Variants in GALNT13 observed in about 807,000 individuals in gnomAD.
GALNT13 encodes UDP-GalNAc:polypeptide N-acetylgalactosaminyltransferase 13.
A neutral mutation model predicts 64.2 loss-of-function variants in GALNT13; 28 were observed. The ratio of observed to expected loss-of-function variants is 0.44; its 90% confidence interval spans 0.32 to 0.60. The LOEUF is 0.60. Among genes scored for constraint, GALNT13 ranks in the 20% least tolerant of loss-of-function variants. The pLI is 0.05. For missense variants in GALNT13, 577 were observed against 669.8 expected (o/e 0.86, Z 1.53); for synonymous variants, 214 against 224.6 (o/e 0.95, Z 0.42).
chr2:153,251,782 C>T, the GALNT13 span, among the ~76,000 whole-genome samples: 3 of 151,826 alleles, frequency 2.0e-5, no homozygotes, highest in African/African-American at 7.3e-5. Context: ...CATCCATGTC[C>T]CTACAAAGGA....
At chr2:153,587,501 A>T in the GALNT13 span, among the ~76,000 whole-genome samples, 2 of 152,182 alleles carry the variant, frequency 1.3e-5, no homozygotes, top group Admixed American at 6.5e-5. Flanking sequence ...CATGTCTTAC[A>T]TGGATGGCAG....
chr2:154,149,737 T>C (rs557061442), intron 4 of GALNT13, among the ~76,000 whole-genome samples: 18 of 152,306 alleles, frequency 1.2e-4, no homozygotes, highest in Non-Finnish European at 1.0e-4. Flanking sequence ...TTGTCTGTTA[T>C]TGGTGTATAA....
intron 3 of GALNT13, among the ~76,000 whole-genome samples, chr2:154,121,657 T>G (rs1681949228): frequency 6.6e-6 from 1 of 152,128 alleles, no homozygotes; most frequent in South Asian, 2.1e-4. Context: ...TATTGTGACT[T>G]TGCTATAGTC....
chr2:153,770,507 G>A, the GALNT13 span, among the ~76,000 whole-genome samples: 1 of 152,190 alleles, frequency 6.6e-6, no homozygotes, highest in Non-Finnish European at 1.5e-5. Context: ...GCTACGCACT[G>A]GTGTTGAAAG....
intron 3 of GALNT13, among the ~76,000 whole-genome samples, chr2:154,129,968 T>G (rs769268843): frequency 5.3e-5 from 8 of 152,092 alleles, no homozygotes; most frequent in Non-Finnish European, 1.0e-4. Flanking sequence ...CACACAGTGC[T>G]CAGTCAAATT....
At chr2:153,167,042 A>G in the GALNT13 span, among the ~76,000 whole-genome samples, 2 of 152,230 alleles carry the variant, frequency 1.3e-5, no homozygotes, top group African/African-American at 4.8e-5. Flanking sequence ...AGCTGTGCCT[A>G]GGCTCCTGAC....
intron 3 of GALNT13, among the ~76,000 whole-genome samples, chr2:154,048,892 A>G (rs1445315743): frequency 6.6e-6 from 1 of 152,184 alleles, no homozygotes; most frequent in Non-Finnish European, 1.5e-5. Context: ...GGAAAGATTA[A>G]GTATATGGAT....
intron 7 of GALNT13, among the ~76,000 whole-genome samples, chr2:154,250,425 A>G (rs1176735100): frequency 2.0e-5 from 3 of 151,816 alleles, no homozygotes; most frequent in African/African-American, 7.2e-5. Context: ...ATTACTTACG[A>G]TGTTTCTCTA....
the GALNT13 span, among the ~76,000 whole-genome samples, chr2:153,760,711 A>C: frequency 6.6e-6 from 1 of 152,102 alleles, no homozygotes; most frequent in African/African-American, 2.4e-5. Flanking sequence ...GTATTCTGTT[A>C]AATGGAATGT....
At chr2:153,503,172 A>G in the GALNT13 span, among the ~76,000 whole-genome samples, 1 of 152,092 alleles carries the variant, frequency 6.6e-6, no homozygotes, top group Admixed American at 6.6e-5. Flanking sequence ...GTCTAAAATG[A>G]TCTTTTCAAT....
intron 9 of GALNT13, among the ~76,000 whole-genome samples, chr2:154,302,042 T>C (rs1041218122): frequency 6.6e-6 from 1 of 152,062 alleles, no homozygotes. Context: ...TTTCATACTT[T>C]AGTTACAGAG....
intron 9 of GALNT13, among the ~76,000 whole-genome samples, chr2:154,383,501 A>G (rs887646819): frequency 1.3e-5 from 2 of 151,994 alleles, no homozygotes; most frequent in Non-Finnish European, 2.9e-5. Flanking sequence ...GTTCCATAAT[A>G]TAATCTCAGA....
intron 9 of GALNT13, among the ~76,000 whole-genome samples, chr2:154,308,294 C>G (rs1393472161): frequency 6.6e-6 from 1 of 152,012 alleles, no homozygotes; most frequent in African/African-American, 2.4e-5. Context: ...TTTAAAAATG[C>G]TTAAGAAAAA....
chr2:153,826,781 A>G, the GALNT13 span, among the ~76,000 whole-genome samples: 1 of 152,132 alleles, frequency 6.6e-6, no homozygotes. Context: ...GCTTGGACTC[A>G]GGTAGAAGCA....
chr2:154,025,900 A>T (rs1188696593), intron 3 of GALNT13, among the ~76,000 whole-genome samples: 2 of 152,090 alleles, frequency 1.3e-5, no homozygotes, highest in East Asian at 1.9e-4. Flanking sequence ...TGAGAGGAGG[A>T]TACATGTGAA....
chr2:154,102,144 C>T (rs1702380091), intron 3 of GALNT13, among the ~76,000 whole-genome samples: 1 of 152,084 alleles, frequency 6.6e-6, no homozygotes, highest in South Asian at 2.1e-4. Context: ...TTATAAATGT[C>T]CATTAATTAG....
At chr2:154,348,433 G>A (rs576739285) in intron 9 of GALNT13, among the ~76,000 whole-genome samples, 1 of 151,950 alleles carries the variant, frequency 6.6e-6, no homozygotes, top group Non-Finnish European at 1.5e-5. Flanking sequence ...TGGTTGGTTG[G>A]TTGGTTTTAA....
At chr2:153,966,085 A>G (rs13029990) in intron 3 of GALNT13, among the ~76,000 whole-genome samples, 28,193 of 151,906 alleles carry the variant, frequency 0.19, 3,358 homozygotes, top group Non-Finnish European at 0.26. Context: ...CTTTTGTTTC[A>G]GATTGAAGAA....
At chr2:154,291,593 G>T (rs1306543473) in intron 8 of GALNT13, among the ~76,000 whole-genome samples, 1 of 152,188 alleles carries the variant, frequency 6.6e-6, no homozygotes, top group Non-Finnish European at 1.5e-5. Flanking sequence ...GCCACGCTGG[G>T]TGCGGGGCCC....
Sources: gnomAD v4.1 joint callset for allele counts (sites outside exome capture counted in the v4.1 genomes callset) on GRCh38, gnomAD v4.1.1 for gene constraint, MANE v1.5 for transcripts, NCBI Gene and HGNC (gene_info 2026-07-23, HGNC 2026-07-21) for gene names.